GIGYF2: variants seen among roughly 807,000 people sequenced by gnomAD.
GIGYF2 encodes the protein GRB10 interacting GYF protein 2.
A neutral mutation model predicts 208.1 loss-of-function variants in GIGYF2; 25 were observed. The ratio of observed to expected loss-of-function variants is 0.12; its 90% CI spans 0.09 to 0.17. The LOEUF is 0.17. Ranked by LOEUF, GIGYF2 falls within the 10% of genes least tolerant of loss-of-function variation. GIGYF2 has a pLI of 1.00. For synonymous variants in GIGYF2, 534 were observed against 543.8 expected, an observed-to-expected ratio of 0.98 and a Z score of 0.25; for missense variants, 1,302 against 1,579.4, an observed-to-expected ratio of 0.82 and a Z score of 2.98.
chr2:232,770,585 ACCT>A (rs1699196587), intron 8 of GIGYF2, among the ~76,000 whole-genome samples: 1 of 142,746 alleles, frequency 7.0e-6, no homozygotes, highest in South Asian at 2.6e-4. Flanking sequence ...TTCAGTGAAA[ACCT>A]CCTTTTAAAC....
Position 232,756,157 on chromosome 2 carries a change from C to A in GIGYF2, c.268-66C>A, listed in dbSNP as rs187570965. On this transcript the variant is annotated intron_variant, in intron 5 of 28. Coordinates refer to ENST00000373563, the MANE Select transcript of GIGYF2 (RefSeq NM_001103146.3). ...GGGGAGAAGCAACATGTAGTTTTAT[C>A]TGTTTCATCCATTTTTTTCTTTCTT... is the stretch of plus-strand genomic sequence containing the variant. 672 of 855,162 alleles carry A rather than the reference C, an allele frequency of 7.9e-4. 8 individuals are homozygous for A. In the African/African-American group the frequency reaches 0.011, roughly 14 times the overall value. The allele number at this position is 855,162 out of a possible 1,614,324, so 53.0% of individuals were successfully genotyped here. A position where few individuals can be genotyped will look rare whatever the true frequency, so the allele number is the denominator to read the frequency against.
intron 1 of GIGYF2, chr2:232,700,763 G>C (rs144956949): frequency 1.3e-5 from 2 of 152,174 alleles, no homozygotes; most frequent in African/African-American, 4.8e-5. Context: ...ATTCCCACTA[G>C]GGTTTTGTGG....
chr2:232,802,993 G>C (rs898712263), intron 14 of GIGYF2, among the ~76,000 whole-genome samples: 10 of 151,290 alleles, frequency 6.6e-5, no homozygotes, highest in Non-Finnish European at 1.5e-4. Flanking sequence ...GCTGTCTCCC[G>C]AGCTCAAGCA....
intron 12 of GIGYF2, among the ~76,000 whole-genome samples, chr2:232,792,972 G>A (rs779764129): frequency 1.5e-4 from 23 of 152,156 alleles, no homozygotes; most frequent in Admixed American, 1.5e-3. Context: ...AGTAAGATAA[G>A]GGTTCACTGT....
chr2:232,708,574 G>A (rs558847607), intron 2 of GIGYF2, among the ~76,000 whole-genome samples: 12 of 151,520 alleles, frequency 7.9e-5, no homozygotes, highest in Non-Finnish European at 5.9e-5. Context: ...AGTGGCTAAC[G>A]TCTGTAATTC....
chr2:232,749,902 GGGGCCAGAC>G (rs1306804005), intron 5 of GIGYF2, among the ~76,000 whole-genome samples: 3 of 150,512 alleles, frequency 2.0e-5, no homozygotes, highest in African/African-American at 7.5e-5. Context: ...CAAAAATGTT[GGGGCCAGAC>G]GCATGACTCA....
At chr2:232,738,343 A>G (rs984393788) in intron 3 of GIGYF2, among the ~76,000 whole-genome samples, 1 of 152,198 alleles carries the variant, frequency 6.6e-6, no homozygotes, top group African/African-American at 2.4e-5. Flanking sequence ...AATGCCAAGT[A>G]TATCCTGTCT....
rs571324543 is a variant in GIGYF2 at position 232,805,411 on chromosome 2, A to G, written c.1640-1080A>G. Reference sequence around the variant, plus strand: ...GGTGCATACATATTACAATTCCTGCATCTTCTATGTGTATTGACCCTTCTT... The same window carrying G: ...GGTGCATACATATTACAATTCCTGCGTCTTCTATGTGTATTGACCCTTCTT... On this transcript the variant is annotated intron_variant, in intron 14 of 28. Coordinates refer to ENST00000373563, the MANE Select transcript of GIGYF2 (RefSeq NM_001103146.3). Among the ~76,000 whole-genome samples the G allele has an allele frequency of 3.3e-5, 5 of 152,128 alleles. No homozygotes were observed. In the South Asian group the frequency reaches 1.0e-3, roughly 32 times the overall value.
At position 232,811,246 on chromosome 2, in the gene GIGYF2, A is replaced by G. The variant is rs1033118796; in HGVS notation, c.1901A>G (p.Gln634Arg). 1.9e-6 allele frequency: 3 copies of G among 1,580,878 alleles called. No individual in the cohort carries two copies. Among genetic ancestry groups the G allele is most frequent in the Admixed American group, 3.3e-5 (2 of 59,980 alleles). The change falls in exon 17 of 29, where the codon CAA (glutamine) becomes CGA (arginine). Residue 634 changes from glutamine (Q) to arginine (R), a missense_variant and splice_region_variant. Transcript: ENST00000373563. ...ACTTTTTTTTTTACTTTTTGAAGACAACAATATGCACAGGTTTTGGCCCAA... is the reference window on the plus strand; with the variant it reads ...ACTTTTTTTTTTACTTTTTGAAGACGACAATATGCACAGGTTTTGGCCCAA... ...HLQYQQFLIQ[Q>R]QYAQVLAQQQ...
intron 3 of GIGYF2, among the ~76,000 whole-genome samples, chr2:232,745,210 AG>A (rs771589652): frequency 6.6e-6 from 1 of 152,164 alleles, no homozygotes; most frequent in Non-Finnish European, 1.5e-5. Context: ...TCCAAGCCCA[AG>A]AATATTTGCA....
chr2:232,774,377 ACTT>A (rs1030191793), intron 8 of GIGYF2, among the ~76,000 whole-genome samples: 49 of 152,298 alleles, frequency 3.2e-4, no homozygotes, highest in African/African-American at 1.2e-3. Context: ...GTTAGGAAAG[ACTT>A]CTTTCAAGAC....
chr2:232,833,073 C>A lies in GIGYF2; in HGVS notation c.2746C>A (p.Gln916Lys). 1 of 1,552,092 alleles carries A rather than the reference C, an allele frequency of 6.4e-7. No homozygotes were observed. Among genetic ancestry groups the A allele is most frequent in the Non-Finnish European group, 8.7e-7 (1 of 1,147,192 alleles). Residue 916 changes from glutamine to lysine, a missense_variant, in exon 22 of 29, where the codon CAA becomes AAA. This residue lies in a region of GIGYF2 where 701 missense variants were observed against 793.0 expected (regional missense o/e 0.88). Coordinates refer to ENST00000373563, the MANE Select transcript of GIGYF2 (RefSeq NM_001103146.3). ...LRRLQQQQQQ[Q>K]QLAQMKLPSS... ...GAGGTTGCAGCAGCAGCAGCAGCAA[C>A]AACAGCTGGCGCAGATGAAGGTAAA...
chr2:232,757,970 C>G (rs1366935991), intron 6 of GIGYF2, among the ~76,000 whole-genome samples: 1 of 152,152 alleles, frequency 6.6e-6, no homozygotes, highest in Non-Finnish European at 1.5e-5. Flanking sequence ...GAAGTCATGA[C>G]TTTATTTACA....
At chr2:232,746,840 A>G (rs1698168731) in intron 3 of GIGYF2, among the ~76,000 whole-genome samples, 1 of 152,212 alleles carries the variant, frequency 6.6e-6, no homozygotes. Flanking sequence ...ATAAACACCC[A>G]TGTATTCATT....
chr2:232,814,565 AC>A (rs35081043), intron 18 of GIGYF2, among the ~76,000 whole-genome samples: 914 of 75,910 alleles, frequency 0.012, 46 homozygotes, highest in African/African-American at 0.031. Flanking sequence ...TCCACCTCAA[AC>A]CCCCCCCCCC....
chr2:232,741,585 G>A (rs1187803117), intron 3 of GIGYF2, among the ~76,000 whole-genome samples: 1 of 151,992 alleles, frequency 6.6e-6, no homozygotes. Context: ...TGGGACTATA[G>A]GCATGCATCA....
intron 3 of GIGYF2, among the ~76,000 whole-genome samples, chr2:232,743,727 A>AT (rs1461780570): frequency 6.6e-6 from 1 of 152,248 alleles, no homozygotes. Context: ...TTATTGAATC[A>AT]TAGTACAGCC....
Position 232,735,798 on chromosome 2 carries a change from AT to A in GIGYF2, c.41+564del, listed in dbSNP as rs1218625000. 6 of 985,406 alleles carry A rather than the reference AT, an allele frequency of 6.1e-6. No homozygotes were observed. The African/African-American group carries it at 8.7e-5, about 14-fold the overall frequency. 61.0% of individuals were successfully genotyped at this position (985,406 alleles called of 1,614,324 possible). ...ACCCCGAATATGGAATTCTCATGGAATTTTGAGATCCATCACATTGTAGTGT... is the reference window on the plus strand; with the variant it reads ...ACCCCGAATATGGAATTCTCATGGAATTTGAGATCCATCACATTGTAGTGT... On this transcript the variant is annotated intron_variant, in intron 3 of 28. Coordinates refer to ENST00000373563, the MANE Select transcript of GIGYF2 (RefSeq NM_001103146.3).
chr2:232,752,875 C>T (rs12990821), intron 5 of GIGYF2, among the ~76,000 whole-genome samples: 1 of 151,786 alleles, frequency 6.6e-6, no homozygotes, highest in African/African-American at 2.4e-5. Context: ...GTATATATAC[C>T]TAACAAAATT....
Sources: allele counts gnomAD v4.1 joint callset (sites outside exome capture counted in the v4.1 genomes callset), GRCh38; gene constraint gnomAD v4.1.1; regional missense constraint gnomAD v4.1.1; transcripts MANE v1.5; gene names NCBI Gene and HGNC (gene_info 2026-07-23, HGNC 2026-07-21).